MTUS2: variants seen among roughly 807,000 people sequenced by gnomAD.
MTUS2 encodes microtubule associated scaffold protein 2.
MTUS2 carries 40 observed loss-of-function variants against 114.1 expected under a neutral mutation model. That is an observed-to-expected ratio of 0.35 (90% CI 0.27 to 0.46). The LOEUF is 0.46. Ranked by LOEUF, MTUS2 falls within the 20% of genes least tolerant of loss-of-function variation. The probability of loss-of-function intolerance (pLI) is 1.00; values close to 1 mark genes in which losing one functional copy is unlikely to be tolerated. For missense variants in MTUS2, 1,679 were observed against 1,705.4 expected, an observed-to-expected ratio of 0.98 and a Z score of 0.27; for synonymous variants, 688 against 672.0, an observed-to-expected ratio of 1.02 and a Z score of -0.37.
At chr13:28,915,025 T>TG in intron 2 of MTUS2, among the ~76,000 whole-genome samples, 1 of 152,088 alleles carries the variant, frequency 6.6e-6, no homozygotes, top group African/African-American at 2.4e-5. Flanking sequence ...AGGATACCAA[T>TG]GGGGCTCGAC....
At chr13:28,865,986 C>T (rs773815297) in intron 2 of MTUS2, among the ~76,000 whole-genome samples, 8 of 152,154 alleles carry the variant, frequency 5.3e-5, no homozygotes, top group Non-Finnish European at 1.0e-4. Flanking sequence ...TTCTTCATTT[C>T]AAAAGCGAAT....
chr13:29,318,433 G>A (rs1320060353), intron 6 of MTUS2, among the ~76,000 whole-genome samples: 6 of 130,918 alleles, frequency 4.6e-5, no homozygotes, highest in South Asian at 2.7e-4. Context: ...AGAGTGAGCC[G>A]TTATTCTTGT....
At chr13:29,192,244 G>A (rs924989354) in intron 5 of MTUS2, among the ~76,000 whole-genome samples, 4 of 152,218 alleles carry the variant, frequency 2.6e-5, no homozygotes, top group Middle Eastern at 3.4e-3. Flanking sequence ...AAAAAGGTTT[G>A]GGTTACTAAG....
At chr13:29,042,642 G>A (rs562095572) in intron 4 of MTUS2, among the ~76,000 whole-genome samples, 1 of 151,972 alleles carries the variant, frequency 6.6e-6, no homozygotes, top group East Asian at 1.9e-4. Context: ...TTTCAATCTT[G>A]CTGCTTATTA....
At chr13:28,994,074 C>T (rs1884978760) in intron 2 of MTUS2, among the ~76,000 whole-genome samples, 1 of 152,058 alleles carries the variant, frequency 6.6e-6, no homozygotes, top group East Asian at 1.9e-4. Context: ...ACAACAGTCG[C>T]CGGTGTGTGA....
Position 29,502,836 on chromosome 13 carries a change from C to G in MTUS2, c.3897-157C>G, listed in dbSNP as rs115654694. Among the ~76,000 whole-genome samples, 1,138 of 152,288 alleles carry G rather than the reference C, an allele frequency of 7.5e-3. 11 individuals are homozygous for G. Among genetic ancestry groups the G allele is most frequent in the African/African-American group, 0.026 (1,081 of 41,562 alleles). On this transcript the variant is annotated intron_variant, in intron 15 of 15. Transcript: ENST00000612955. ...ATGTGTCATTGGGCCAAATGGAAAT[C>G]ATGATTCAACCAAAGTTCTTGGTCA...
chr13:29,484,250 T>C (rs767658882), intron 10 of MTUS2: 1 of 152,278 alleles, frequency 6.6e-6, no homozygotes, highest in Non-Finnish European at 1.5e-5. Flanking sequence ...CATCCCAGGA[T>C]TAATCCAAAT....
At chr13:29,483,437 C>T (rs1018886381) in intron 10 of MTUS2, among the ~76,000 whole-genome samples, 3 of 152,188 alleles carry the variant, frequency 2.0e-5, no homozygotes, top group South Asian at 2.1e-4. Context: ...GGCATGTGCT[C>T]CGGCTACACA....
chr13:29,126,008 G>A (rs944096985), intron 5 of MTUS2, among the ~76,000 whole-genome samples: 1 of 152,198 alleles, frequency 6.6e-6, no homozygotes, highest in African/African-American at 2.4e-5. Flanking sequence ...AGCAAGAACT[G>A]TATATTCTAC....
chr13:28,888,136 G>T (rs991342849), intron 2 of MTUS2, among the ~76,000 whole-genome samples: 5 of 152,106 alleles, frequency 3.3e-5, no homozygotes, highest in African/African-American at 1.2e-4. Flanking sequence ...ATTCCTCTCT[G>T]TCCATTATTT....
chr13:29,342,131 G>A (rs957027449), intron 7 of MTUS2, among the ~76,000 whole-genome samples: 1 of 151,838 alleles, frequency 6.6e-6, no homozygotes, highest in African/African-American at 2.4e-5. Flanking sequence ...TTGGCTATGT[G>A]GACTCTTTTT....
At position 29,503,173 on chromosome 13, in the gene MTUS2, C is replaced by T. The variant is rs759350159; in HGVS notation, c.4077C>T (p.Ser1359=). The change falls in exon 16 of 16, where the codon TCC becomes TCT. Residue 1359 remains serine, a synonymous_variant. Transcript: ENST00000612955. Reference sequence around the variant, plus strand: ...ACCGCGGCTCCTCCTCGGGGCCCTCCTCTCCGGCCAGAGTCAGCACAACAC... The same window carrying T: ...ACCGCGGCTCCTCCTCGGGGCCCTCTTCTCCGGCCAGAGTCAGCACAACAC... ...PVYRGSSSGP[S]SPARVSTTPR 2 of 1,614,144 alleles carry T rather than the reference C, an allele frequency of 1.2e-6. No individual in the cohort carries two copies. The highest frequency in any genetic ancestry group is 1.7e-6 in the Non-Finnish European group (2 of 1,180,052).
intron 8 of MTUS2, among the ~76,000 whole-genome samples, chr13:29,390,964 G>A (rs1488666849): frequency 1.3e-5 from 2 of 152,030 alleles, no homozygotes; most frequent in Non-Finnish European, 2.9e-5. Flanking sequence ...TGTATTTTTA[G>A]TAGAGACGGG....
chr13:28,917,652 A>C (rs984602782), intron 2 of MTUS2, among the ~76,000 whole-genome samples: 5 of 150,144 alleles, frequency 3.3e-5, no homozygotes, highest in African/African-American at 1.2e-4. Flanking sequence ...TGTCAATTTT[A>C]TTTATTCTTT....
intron 5 of MTUS2, among the ~76,000 whole-genome samples, chr13:29,153,701 ACCT>A (rs780058647): frequency 3.3e-4 from 50 of 151,294 alleles, no homozygotes; most frequent in Non-Finnish European, 6.0e-4. Context: ...GTATCCCCAG[ACCT>A]CCTCAATTCT....
chr13:29,246,089 A>G (rs2139413510), intron 5 of MTUS2, among the ~76,000 whole-genome samples: 1 of 152,324 alleles, frequency 6.6e-6, no homozygotes, highest in South Asian at 2.1e-4. Context: ...TCCTTTGTAA[A>G]ATATGTATTT....
chr13:29,115,187 A>G (rs1891038233), intron 5 of MTUS2, among the ~76,000 whole-genome samples: 1 of 144,994 alleles, frequency 6.9e-6, no homozygotes, highest in South Asian at 2.4e-4. Flanking sequence ...GATAACTGCC[A>G]TGAATATGTC....
intron 2 of MTUS2, among the ~76,000 whole-genome samples, chr13:28,960,379 G>T (rs1018460912): frequency 6.6e-6 from 1 of 152,112 alleles, no homozygotes; most frequent in Non-Finnish European, 1.5e-5. Flanking sequence ...TTAGTCCTAG[G>T]TATATATCCA....
chr13:29,136,183 G>T (rs149663442), intron 5 of MTUS2, among the ~76,000 whole-genome samples: 1 of 151,996 alleles, frequency 6.6e-6, no homozygotes, highest in Admixed American at 6.6e-5. Context: ...AGCATTTCTC[G>T]CAGGGCATGT....
Sources: allele counts gnomAD v4.1 joint callset (sites outside exome capture counted in the v4.1 genomes callset), GRCh38; gene constraint gnomAD v4.1.1; transcripts MANE v1.5; gene names NCBI Gene and HGNC (gene_info 2026-07-23, HGNC 2026-07-21).